The following SNTG2 variants were observed in gnomAD, a reference collection of about 807,000 sequenced individuals.
The protein encoded by SNTG2 is gamma-2-syntrophin.
In SNTG2, 74 loss-of-function variants were observed where a neutral mutation model predicts 70.9. The observed-to-expected ratio is 1.04, with a 90% confidence interval of 0.86 to 1.27. The LOEUF (loss-of-function observed/expected upper bound fraction) is 1.27. SNTG2 is among the 50% of genes most tolerant of loss of function. SNTG2 has a pLI of 0.00. For synonymous variants in SNTG2, 278 were observed against 273.8 expected, an observed-to-expected ratio of 1.02 and a Z score of -0.15; for missense variants, 717 against 690.7, an observed-to-expected ratio of 1.04 and a Z score of -0.43.
At chr2:1,285,955 C>T (rs1199845599) in intron 14 of SNTG2, among the ~76,000 whole-genome samples, 1 of 152,202 alleles carries the variant, frequency 6.6e-6, no homozygotes, top group East Asian at 1.9e-4. Flanking sequence ...CGTACTCTTC[C>T]TTACCTCTGT....
chr2:993,891 C>A (rs369956382), intron 1 of SNTG2, among the ~76,000 whole-genome samples: 2 of 151,878 alleles, frequency 1.3e-5, no homozygotes, highest in East Asian at 3.9e-4. Context: ...ATTTTATGTT[C>A]TGGATACATG....
At position 955,583 on chromosome 2, in the gene SNTG2, GC is replaced by G. The variant is rs1233743077; in HGVS notation, c.72+4516del. Among the ~76,000 whole-genome samples, 4 of 152,188 alleles carry G rather than the reference GC, an allele frequency of 2.6e-5. No individual in the cohort carries two copies. The East Asian group carries it at 7.7e-4, about 29-fold the overall frequency. ...AAATAGTTTAAATGACAAATCCTGT[GC>G]AAGAATTAAATTCCACTTCTGTAAA... On this transcript the variant is annotated intron_variant, in intron 1 of 16. Coordinates refer to ENST00000308624, the MANE Select transcript of SNTG2 (RefSeq NM_018968.4).
chr2:1,000,689 C>T (rs2147987244), intron 1 of SNTG2, among the ~76,000 whole-genome samples: 1 of 151,336 alleles, frequency 6.6e-6, no homozygotes, highest in South Asian at 2.1e-4. Flanking sequence ...ACTAGATGTA[C>T]AAAGAAGAAC....
intron 6 of SNTG2, among the ~76,000 whole-genome samples, chr2:1,142,354 C>G (rs371256067): frequency 3.9e-5 from 6 of 152,334 alleles, no homozygotes; most frequent in Non-Finnish European, 8.8e-5. Context: ...TGCCTGGGCT[C>G]TGCCATCCCG....
intron 2 of SNTG2, among the ~76,000 whole-genome samples, chr2:1,084,922 C>T (rs1223680585): frequency 1.3e-5 from 2 of 152,200 alleles, no homozygotes; most frequent in African/African-American, 2.4e-5. Flanking sequence ...GGCTCAGTCA[C>T]CTCCCACAGC....
At chr2:1,055,397 G>A (rs1379046722) in intron 1 of SNTG2, among the ~76,000 whole-genome samples, 1 of 152,172 alleles carries the variant, frequency 6.6e-6, no homozygotes, top group Non-Finnish European at 1.5e-5. Flanking sequence ...CAGAAAGAAT[G>A]CATTTCCTCT....
chr2:998,465 T>C (rs1203292741), intron 1 of SNTG2, among the ~76,000 whole-genome samples: 2 of 151,600 alleles, frequency 1.3e-5, no homozygotes, highest in African/African-American at 2.4e-5. Context: ...AAGAAGCAAA[T>C]AAACAGAACT....
chr2:1,061,161 C>T (rs1473317635), intron 1 of SNTG2, among the ~76,000 whole-genome samples: 1 of 152,064 alleles, frequency 6.6e-6, no homozygotes, highest in African/African-American at 2.4e-5. Context: ...AGCATAGAGC[C>T]GCGTGATCCT....
At chr2:1,234,678 G>A (rs938711612) in intron 9 of SNTG2, among the ~76,000 whole-genome samples, 30 of 152,162 alleles carry the variant, frequency 2.0e-4, no homozygotes, top group Non-Finnish European at 4.4e-5. Flanking sequence ...GCGAGTCCGT[G>A]AGCCTCTGGG....
At chr2:1,152,640 G>A (rs976913054) in intron 6 of SNTG2, among the ~76,000 whole-genome samples, 38 of 152,178 alleles carry the variant, frequency 2.5e-4, no homozygotes, top group African/African-American at 3.4e-4. Context: ...GTGTGTTTGT[G>A]TGTAACATTT....
At chr2:1,228,198 CG>C (rs1194880969) in intron 9 of SNTG2, among the ~76,000 whole-genome samples, 3 of 152,238 alleles carry the variant, frequency 2.0e-5, no homozygotes, top group African/African-American at 7.2e-5. Context: ...TTCGAGCTGG[CG>C]GGGGGCCCTC....
chr2:1,317,304 G>A (rs1393307421), intron 16 of SNTG2, among the ~76,000 whole-genome samples: 2 of 85,026 alleles, frequency 2.4e-5, no homozygotes, highest in Non-Finnish European at 4.9e-5. Flanking sequence ...GGATTCTGGA[G>A]CATTTAGCAT....
At chr2:1,365,509 C>T (rs73180290) in intron 16 of SNTG2, among the ~76,000 whole-genome samples, 1 of 152,286 alleles carries the variant, frequency 6.6e-6, no homozygotes, top group South Asian at 2.1e-4. Context: ...TACCCAATGT[C>T]CCCCAGTGTT....
chr2:1,266,256 G>A (rs1259125908), intron 13 of SNTG2, among the ~76,000 whole-genome samples: 3 of 152,144 alleles, frequency 2.0e-5, no homozygotes, highest in Admixed American at 2.0e-4. Context: ...CCTCCATGCT[G>A]TTGACCTAGT....
rs117745769 is a variant in SNTG2, at chr2:980,897, C to T, written c.72+29829C>T. Among the ~76,000 whole-genome samples the T allele has an allele frequency of 4.6e-5, 7 of 152,288 alleles. No individual in the cohort carries two copies. The East Asian group carries it at 1.2e-3, about 25-fold the overall frequency. ...ACTACGTTCCAGATACCTAGGACCT[C>T]GTAAATTCTGACTTCTTAATCATCA... On this transcript the variant is annotated intron_variant, in intron 1 of 16. Coordinates refer to ENST00000308624, the MANE Select transcript of SNTG2 (RefSeq NM_018968.4).
chr2:1,306,844 G>C (rs62637984), intron 14 of SNTG2, among the ~76,000 whole-genome samples: 1 of 151,458 alleles, frequency 6.6e-6, no homozygotes. Flanking sequence ...CGCTGTGTGC[G>C]TGCACGTGTG....
At chr2:1,110,741 G>C (rs1042324122) in intron 4 of SNTG2, among the ~76,000 whole-genome samples, 2 of 152,156 alleles carry the variant, frequency 1.3e-5, no homozygotes, top group African/African-American at 4.8e-5. Context: ...TTCCTTTCTA[G>C]GCTCTAAAAA....
intron 1 of SNTG2, among the ~76,000 whole-genome samples, chr2:1,007,997 C>G (rs894050883): frequency 4.6e-5 from 7 of 152,174 alleles, no homozygotes; most frequent in African/African-American, 1.4e-4. Context: ...TTGTGATCCA[C>G]CTGCCTTGGC....
intron 1 of SNTG2, among the ~76,000 whole-genome samples, chr2:1,049,123 C>G (rs1661906978): frequency 6.6e-6 from 1 of 152,192 alleles, no homozygotes; most frequent in African/African-American, 2.4e-5. Context: ...ACACCAGAAG[C>G]TTCTTTTGTT....
Sources: gnomAD v4.1 joint callset for allele counts (sites outside exome capture counted in the v4.1 genomes callset) on GRCh38, gnomAD v4.1.1 for gene constraint, MANE v1.5 for transcripts, NCBI Gene and HGNC (gene_info 2026-07-23, HGNC 2026-07-21) for gene names.